EP400: variants seen among roughly 807,000 people sequenced by gnomAD.
The protein encoded by EP400 is E1A binding protein p400, also known as E1A-binding protein p400.
Under a neutral mutation model 354.1 loss-of-function variants are expected in EP400, and 105 were observed. The ratio of observed to expected loss-of-function variants is 0.30; its 90% CI spans 0.25 to 0.35. EP400 has a LOEUF of 0.35. Among genes scored for constraint, EP400 ranks in the 10% least tolerant of loss-of-function variants. The pLI, the probability that EP400 is intolerant of heterozygous loss-of-function variation, is 1.00. For synonymous variants in EP400, 1,646 were observed against 1,716.9 expected, an observed-to-expected ratio of 0.96 and a Z score of 1.02; for missense variants, 3,280 against 4,121.0, an observed-to-expected ratio of 0.80 and a Z score of 5.59.
chr12:131,969,687 C>G lies in EP400; in HGVS notation c.1335+7733C>G, dbSNP rs569663535. On this transcript the variant is annotated intron_variant, in intron 2 of 52. Coordinates refer to ENST00000389561, the MANE Select transcript of EP400 (RefSeq NM_015409.5). ...AGCCATTTCGACAAAGAGCCTGGTT[C>G]CTTTCGGTGGGGAATAGTAATTTGA... Among the ~76,000 whole-genome samples the G allele has an allele frequency of 2.6e-5, 4 of 152,198 alleles. No individual in the cohort carries two copies. In the South Asian group the frequency reaches 8.3e-4, roughly 32 times the overall value.
chr12:132,031,459 T>C (rs1894490810), intron 29 of EP400: 2 of 491,744 alleles, frequency 4.1e-6, no homozygotes, highest in Admixed American at 2.0e-5. Flanking sequence ...CGTAAGATGA[T>C]AGTGGCTGCA....
intron 2 of EP400, among the ~76,000 whole-genome samples, chr12:131,971,338 C>T (rs746790292): frequency 1.3e-5 from 2 of 152,090 alleles, no homozygotes; most frequent in African/African-American, 4.8e-5. Context: ...TTTTTGTTAC[C>T]AAATAGTATT....
At chr12:132,031,891 C>T (rs1443246186) in intron 29 of EP400, 62 bp from the exon 30 acceptor site, 7 of 1,488,038 alleles carry the variant, frequency 4.7e-6, no homozygotes, top group African/African-American at 1.4e-5. Flanking sequence ...AATGTTGAAA[C>T]GTGTCAAAGG....
At chr12:132,071,746 T>A (rs1896074331) in intron 51 of EP400, among the ~76,000 whole-genome samples, 1 of 152,198 alleles carries the variant, frequency 6.6e-6, no homozygotes, top group Admixed American at 6.5e-5. Context: ...TGTGCACCCC[T>A]CTGCACTTGC....
At chr12:131,974,833 AC>A (rs1296715450) in intron 2 of EP400, among the ~76,000 whole-genome samples, 6 of 151,986 alleles carry the variant, frequency 3.9e-5, no homozygotes, top group Non-Finnish European at 7.4e-5. Context: ...ACTTAAAAAT[AC>A]AAAAAATTAG....
chr12:131,978,782 G>A (rs1371682234), intron 2 of EP400, among the ~76,000 whole-genome samples: 3 of 152,136 alleles, frequency 2.0e-5, no homozygotes, highest in Non-Finnish European at 4.4e-5. Context: ...CAAAGTGTTG[G>A]GATTAAGGCA....
chr12:132,034,659 T>G (rs904525925), intron 30 of EP400, among the ~76,000 whole-genome samples: 1 of 152,248 alleles, frequency 6.6e-6, no homozygotes, highest in Non-Finnish European at 1.5e-5. Context: ...TTTCGCATGT[T>G]ACAAAGGTTG....
rs1565918578 is a variant in EP400 at position 132,021,229 on chromosome 12, C to CGCCCCA, written c.4606_4611dup (p.Pro1536_Gln1537dup). 3.2e-6 allele frequency: 5 copies of CGCCCCA among 1,576,134 alleles called. 1 individual carries two copies. The South Asian group carries it at 5.7e-5, about 18-fold the overall frequency. ...CAGGCCTCCACCCCAGGCCAGCCCC[C>CGCCCCA]GCCCCAGCCCCAGGCCCCCTCGCAC... On this transcript the variant is annotated inframe_insertion, in exon 23 of 53. Coordinates refer to ENST00000389561, the MANE Select transcript of EP400 (RefSeq NM_015409.5).
rs1276990813 is a variant in EP400, at chr12:132,038,514, G to A, written c.6207+418G>A. Among the ~76,000 whole-genome samples the A allele has an allele frequency of 6.6e-6, 1 of 152,258 alleles. No individual in the cohort carries two copies. Among genetic ancestry groups the A allele is most frequent in the East Asian group, 1.9e-4 (1 of 5,198 alleles). On this transcript the variant is annotated intron_variant, in intron 32 of 52. Transcript: ENST00000389561. This position sits in a 1 kb window ranked among gnomAD's most constrained non-coding sequence, Gnocchi z 4.2. ...GTCTGCACTCAGGTGCTGAGTGTAA[G>A]GTGCTGGTTGATTGCAAAGACTGAG...
intron 48 of EP400, chr12:132,065,992 C>T (rs1895878514): frequency 6.6e-6 from 1 of 152,176 alleles, no homozygotes; most frequent in South Asian, 2.1e-4. Flanking sequence ...AATGTACAAG[C>T]TTGTTTGCTT....
chr12:132,063,486 A>G (rs1895774869), intron 47 of EP400, among the ~76,000 whole-genome samples: 1 of 152,204 alleles, frequency 6.6e-6, no homozygotes, highest in Admixed American at 6.5e-5. Context: ...GGGCAACAGA[A>G]CAAGACTGTG....
intron 15 of EP400, among the ~76,000 whole-genome samples, chr12:132,009,192 A>G (rs1032926971): frequency 1.3e-4 from 20 of 151,794 alleles, no homozygotes; most frequent in African/African-American, 4.6e-4. Context: ...TTGGCTGCCC[A>G]AAGTGGTGGG....
rs764406720 is a variant in EP400 at position 132,062,530 on chromosome 12, GCAGCAGCAGCAGCAACAA to G, written c.8178_8195del (p.Gln2743_Gln2748del). 433 of 1,604,708 alleles carry G rather than the reference GCAGCAGCAGCAGCAACAA, an allele frequency of 2.7e-4. 1 individual carries two copies. The highest frequency in any genetic ancestry group is 2.5e-3 in the South Asian group (224 of 90,774). Reference sequence around the variant, plus strand: ...CACATTTCCAGCTTCTCAGGCAGCAGCAGCAGCAGCAGCAACAACAGCAGCAGCAGCAGCAGCAGCAGC... The same window carrying G: ...CACATTTCCAGCTTCTCAGGCAGCAGCAGCAGCAGCAGCAGCAGCAGCAGC... On this transcript the variant is annotated inframe_deletion, in exon 47 of 53. Coordinates refer to ENST00000389561, the MANE Select transcript of EP400 (RefSeq NM_015409.5).
intron 15 of EP400, among the ~76,000 whole-genome samples, chr12:132,008,293 T>C (rs952813297): frequency 6.6e-6 from 1 of 152,218 alleles, no homozygotes; most frequent in South Asian, 2.1e-4. Flanking sequence ...TTGCATAGTT[T>C]GCCACAGCAC....
At chr12:131,967,558 C>G (rs1368128870) in intron 2 of EP400, among the ~76,000 whole-genome samples, 1 of 151,404 alleles carries the variant, frequency 6.6e-6, no homozygotes, top group African/African-American at 2.4e-5. Flanking sequence ...GGCGTAGTGG[C>G]GTGCCGCTGT....
At chr12:132,024,800 C>T (rs1894243805) in intron 24 of EP400, among the ~76,000 whole-genome samples, 1 of 151,326 alleles carries the variant, frequency 6.6e-6, no homozygotes, top group South Asian at 2.1e-4. Flanking sequence ...GCGGCTGCCT[C>T]CCCGCCACCC....
intron 12 of EP400, among the ~76,000 whole-genome samples, chr12:132,001,676 G>A (rs1368789738): frequency 1.3e-5 from 2 of 152,116 alleles, no homozygotes; most frequent in Non-Finnish European, 2.9e-5. Flanking sequence ...TACAACAGGC[G>A]TCTTCCCAGA....
rs1215904665 is a variant in EP400, at chr12:131,955,408, G to A, written c.-35-5177G>A. On this transcript the variant is annotated intron_variant, in intron 1 of 52. Coordinates refer to ENST00000389561, the MANE Select transcript of EP400 (RefSeq NM_015409.5). ...AGCAATTCTCTTGCCTCAGCCTCCC[G>A]AGTAGCTGGGATTACAGGTGCGCAC... Among the ~76,000 whole-genome samples, 4 of 151,722 alleles carry A rather than the reference G, an allele frequency of 2.6e-5. No homozygotes were observed. In the East Asian group the frequency reaches 5.8e-4, roughly 22 times the overall value.
chr12:132,080,269 T>C lies in EP400; in HGVS notation c.*2596T>C, dbSNP rs997113065. On this transcript the variant is annotated 3_prime_UTR_variant, in exon 53 of 53. Coordinates refer to ENST00000389561, the MANE Select transcript of EP400 (RefSeq NM_015409.5). ...TGCCTGATAAGACAGGGGTTTCTCTTTTTGTGACCTTTATTATTATTATTT... is the reference window on the plus strand; with the variant it reads ...TGCCTGATAAGACAGGGGTTTCTCTCTTTGTGACCTTTATTATTATTATTT... The C allele has an allele frequency of 1.3e-5, 2 of 152,634 alleles. No homozygotes were observed. Among genetic ancestry groups the C allele is most frequent in the African/African-American group, 4.8e-5 (2 of 41,444 alleles). 9.5% of individuals were successfully genotyped at this position (152,634 alleles called of 1,614,324 possible). A position where few individuals can be genotyped will look rare whatever the true frequency, so the allele number is the denominator to read the frequency against.
Sources: allele counts gnomAD v4.1 joint callset (sites outside exome capture counted in the v4.1 genomes callset), GRCh38; gene constraint gnomAD v4.1.1; non-coding constraint Gnocchi (gnomAD v3.1); transcripts MANE v1.5; gene names NCBI Gene and HGNC (gene_info 2026-07-23, HGNC 2026-07-21).